ACSM1: variants seen among roughly 807,000 people sequenced by gnomAD.
The protein encoded by ACSM1 is acyl-coenzyme A synthetase ACSM1, mitochondrial.
Under a neutral mutation model 75.8 loss-of-function variants are expected in ACSM1, and 79 were observed. The ratio of observed to expected loss-of-function variants is 1.04; its 90% CI spans 0.87 to 1.26. The LOEUF (loss-of-function observed/expected upper bound fraction) is 1.26. Among genes scored for constraint, ACSM1 ranks in the 50% most tolerant of loss-of-function variants. The pLI is 0.00. For missense variants in ACSM1, 676 were observed against 720.1 expected (o/e 0.94, Z 0.70); for synonymous variants, 279 against 265.8 (o/e 1.05, Z -0.48).
At position 20,623,417 on chromosome 16, in the gene ACSM1, C is replaced by T. The variant is rs2016726675; in HGVS notation, c.*69G>A. The T allele has an allele frequency of 1.4e-6, 2 of 1,384,278 alleles. No homozygotes were observed. Among genetic ancestry groups the T allele is most frequent in the Admixed American group, 3.4e-5 (2 of 59,068 alleles). The allele number at this position is 1,384,278 out of a possible 1,614,324, so 85.7% of individuals were successfully genotyped here. The stretch of plus-strand genomic sequence containing the variant: ...CTCAATGCCCCACCCTCGTCCTCAC[C>T]ATAGTGGGGAGACTAAAGTGGCCAG... On this transcript the variant is annotated 3_prime_UTR_variant, in exon 14 of 14. Transcript: ENST00000520010.
At chr16:20,636,699 A>G in intron 10 of ACSM1, 40 bp downstream of exon 10, 1 of 1,494,824 alleles carries the variant, frequency 6.7e-7, no homozygotes, top group Non-Finnish European at 9.3e-7. Flanking sequence ...CCCTGTTGGG[A>G]TCCTTGGGGC....
chr16:20,625,672 A>G (rs145076349), intron 11 of ACSM1, 150 bp from the exon 12 acceptor site: 1 of 645,020 alleles, frequency 1.6e-6, no homozygotes, highest in African/African-American at 1.8e-5. Flanking sequence ...CATGGGCCCA[A>G]AGTGTAAAGA....
chr16:20,635,415 G>C (rs1209444913), intron 10 of ACSM1, among the ~76,000 whole-genome samples: 1 of 151,846 alleles, frequency 6.6e-6, no homozygotes, highest in Non-Finnish European at 1.5e-5. Flanking sequence ...ATATTTCTTT[G>C]GATTATCCCC....
intron 10 of ACSM1, among the ~76,000 whole-genome samples, chr16:20,628,925 T>TA (rs1236057683): frequency 1.3e-5 from 2 of 152,210 alleles, no homozygotes; most frequent in African/African-American, 4.8e-5. Context: ...CCCTAAGCAA[T>TA]AGCTCTTGTG....
At chr16:20,685,604 G>A (rs1321117813) in intron 2 of ACSM1, among the ~76,000 whole-genome samples, 1 of 151,896 alleles carries the variant, frequency 6.6e-6, no homozygotes, top group Non-Finnish European at 1.5e-5. Context: ...GGTTGATCAT[G>A]AGGTCAGGAG....
chr16:20,643,547 T>C (rs1001874995), intron 7 of ACSM1, among the ~76,000 whole-genome samples: 1 of 152,128 alleles, frequency 6.6e-6, no homozygotes, highest in Non-Finnish European at 1.5e-5. Context: ...CAGACCCTCG[T>C]GGTGAGTGTT....
At chr16:20,667,554 T>C (rs1169124874) in intron 6 of ACSM1, among the ~76,000 whole-genome samples, 2 of 152,172 alleles carry the variant, frequency 1.3e-5, no homozygotes. Flanking sequence ...ATACTATTGA[T>C]AGAAATGCAA....
intron 6 of ACSM1, among the ~76,000 whole-genome samples, chr16:20,664,695 A>G (rs1376952494): frequency 6.6e-6 from 1 of 152,192 alleles, no homozygotes; most frequent in Non-Finnish European, 1.5e-5. Flanking sequence ...CAACCACAGA[A>G]TATACATTCT....
At chr16:20,679,393 T>A (rs1310939503) in intron 4 of ACSM1, 2 of 152,214 alleles carry the variant, frequency 1.3e-5, no homozygotes, top group African/African-American at 4.8e-5. Flanking sequence ...TCTAGTCACA[T>A]CCTGGAAGCT....
At chr16:20,656,397 T>C (rs2018959149) in intron 7 of ACSM1, among the ~76,000 whole-genome samples, 1 of 152,052 alleles carries the variant, frequency 6.6e-6, no homozygotes, top group Non-Finnish European at 1.5e-5. Flanking sequence ...ATCTCAAAAT[T>C]CTCCAGTAAT....
At chr16:20,661,727 G>C in intron 7 of ACSM1, 67 bp downstream of exon 7, 1 of 1,186,714 alleles carries the variant, frequency 8.4e-7, no homozygotes, top group Admixed American at 1.7e-5. Flanking sequence ...AAGAAAAACA[G>C]ACCATGATGT....
intron 10 of ACSM1, among the ~76,000 whole-genome samples, chr16:20,632,148 C>T (rs1255011525): frequency 6.6e-6 from 1 of 152,082 alleles, no homozygotes; most frequent in Non-Finnish European, 1.5e-5. Flanking sequence ...TAAAAAAGAT[C>T]TCAAGCCGAA....
chr16:20,666,464 A>G (rs2019570974), intron 6 of ACSM1, among the ~76,000 whole-genome samples: 1 of 152,226 alleles, frequency 6.6e-6, no homozygotes, highest in African/African-American at 2.4e-5. Context: ...ACACTGCTGA[A>G]AGAAATCAGA....
chr16:20,627,112 A>G, intron 11 of ACSM1, 77 bp downstream of exon 11: 1 of 1,447,302 alleles, frequency 6.9e-7, no homozygotes, highest in Non-Finnish European at 9.1e-7. Flanking sequence ...CCAATGCGTG[A>G]AAAAATGTCT....
intron 6 of ACSM1, 65 bp from the exon 7 acceptor site, chr16:20,661,938 A>G: frequency 9.1e-7 from 1 of 1,102,846 alleles, no homozygotes; most frequent in East Asian, 2.4e-5. Context: ...GCCAATTATT[A>G]GCAGTCTAGT....
intron 7 of ACSM1, among the ~76,000 whole-genome samples, chr16:20,642,753 TAAAGGGAGG>T (rs892568895): frequency 3.9e-5 from 6 of 152,164 alleles, no homozygotes; most frequent in African/African-American, 1.2e-4. Context: ...TTGAGTAAGT[TAAAGGGAGG>T]CACATATTCC....
intron 4 of ACSM1, among the ~76,000 whole-genome samples, chr16:20,676,837 T>C (rs1266842010): frequency 6.6e-6 from 1 of 150,826 alleles, no homozygotes; most frequent in Non-Finnish European, 1.5e-5. Flanking sequence ...AATAAATAAA[T>C]AAAATAAGGA....
At chr16:20,657,927 C>T (rs1014565254) in intron 7 of ACSM1, among the ~76,000 whole-genome samples, 35 of 151,932 alleles carry the variant, frequency 2.3e-4, no homozygotes, top group African/African-American at 4.4e-4. Flanking sequence ...TCCCTGCAAA[C>T]GTCATGAACT....
At chr16:20,625,007 C>A (rs1212156935) in intron 12 of ACSM1, among the ~76,000 whole-genome samples, 2 of 152,170 alleles carry the variant, frequency 1.3e-5, no homozygotes, top group Non-Finnish European at 2.9e-5. Context: ...AGGCATGAGC[C>A]ACCGTGCCCG....
Sources: allele counts gnomAD v4.1 joint callset (sites outside exome capture counted in the v4.1 genomes callset), GRCh38; gene constraint gnomAD v4.1.1; transcripts MANE v1.5; gene names NCBI Gene and HGNC (gene_info 2026-07-23, HGNC 2026-07-21).